KIF16B: variants seen among roughly 807,000 people sequenced by gnomAD.
The protein encoded by KIF16B is kinesin-like protein KIF16B.
In KIF16B, 98 loss-of-function variants were observed where a neutral mutation model predicts 156.3. The ratio of observed to expected loss-of-function variants is 0.63; its 90% CI spans 0.53 to 0.74. KIF16B has a LOEUF of 0.74. Among genes scored for constraint, KIF16B ranks in the 30% least tolerant of loss-of-function variants. KIF16B has a pLI of 0.00. For synonymous variants in KIF16B, 564 were observed against 583.7 expected (o/e 0.97, Z 0.49); for missense variants, 1,421 against 1,606.5 (o/e 0.88, Z 1.97).
chr20:16,296,016 G>C (rs1385031314), intron 25 of KIF16B, among the ~76,000 whole-genome samples: 1 of 152,104 alleles, frequency 6.6e-6, no homozygotes, highest in Non-Finnish European at 1.5e-5. Flanking sequence ...CTTCTCCCAG[G>C]GGCCCAAGAG....
chr20:16,325,136 T>A (rs562829497), intron 24 of KIF16B, among the ~76,000 whole-genome samples: 1 of 152,012 alleles, frequency 6.6e-6, no homozygotes, highest in Non-Finnish European at 1.5e-5. Flanking sequence ...AAAATCGGCA[T>A]AGAAGGGACA....
At chr20:16,465,148 T>C (rs1375162543) in intron 12 of KIF16B, among the ~76,000 whole-genome samples, 4 of 152,184 alleles carry the variant, frequency 2.6e-5, no homozygotes, top group African/African-American at 9.7e-5. Flanking sequence ...TGAAAAAGCA[T>C]TTCCAGATCC....
intron 1 of KIF16B, among the ~76,000 whole-genome samples, chr20:16,531,237 CA>C (rs1372533347): frequency 6.6e-6 from 1 of 151,906 alleles, no homozygotes; most frequent in African/African-American, 2.4e-5. Flanking sequence ...TCTGAAAGAT[CA>C]AAGGATCTGT....
At chr20:16,316,069 C>G (rs982058796) in intron 24 of KIF16B, among the ~76,000 whole-genome samples, 2 of 152,208 alleles carry the variant, frequency 1.3e-5, no homozygotes, top group African/African-American at 4.8e-5. Context: ...AGAATCCTAA[C>G]AGTGCCACTT....
rs2064619810 is a variant in KIF16B at position 16,364,591 on chromosome 20, C to T, written c.3498+5995G>A. On this transcript the variant is annotated intron_variant, in intron 22 of 25. Transcript: ENST00000354981. ...CAGAGGGAGCTACTAGGATTGAAAT[C>T]ACAGTGGATAATGGCACCAACAATA... Among the ~76,000 whole-genome samples, 4 of 152,314 alleles carry T rather than the reference C, an allele frequency of 2.6e-5. No homozygotes were observed. In the South Asian group the frequency reaches 8.3e-4, roughly 32 times the overall value.
intron 12 of KIF16B, among the ~76,000 whole-genome samples, chr20:16,493,008 C>T (rs921013682): frequency 3.9e-5 from 6 of 152,170 alleles, no homozygotes; most frequent in Non-Finnish European, 7.3e-5. Flanking sequence ...CCACATCTGA[C>T]TATTCTGAAA....
chr20:16,306,986 T>C (rs934666659), intron 25 of KIF16B, among the ~76,000 whole-genome samples: 11 of 152,166 alleles, frequency 7.2e-5, no homozygotes, highest in Non-Finnish European at 7.3e-5. Flanking sequence ...ACTAGGATGA[T>C]CTGCTCCAAG....
At chr20:16,279,955 C>A (rs140935170) in intron 25 of KIF16B, among the ~76,000 whole-genome samples, 18 of 152,230 alleles carry the variant, frequency 1.2e-4, no homozygotes, top group African/African-American at 3.9e-4. Flanking sequence ...TAGCATGGCA[C>A]CTCAATTAGT....
At chr20:16,464,274 A>C (rs774408461) in intron 12 of KIF16B, among the ~76,000 whole-genome samples, 1 of 152,170 alleles carries the variant, frequency 6.6e-6, no homozygotes, top group Non-Finnish European at 1.5e-5. Context: ...TTGCAAGGGA[A>C]TATAATAGAA....
chr20:16,315,708 C>G (rs995755983), intron 24 of KIF16B, among the ~76,000 whole-genome samples: 6 of 152,066 alleles, frequency 3.9e-5, no homozygotes, highest in African/African-American at 1.2e-4. Context: ...GAAGTCCATT[C>G]CAGGACATAC....
rs538810087 is a variant in KIF16B, at chr20:16,432,996, T to G, written c.1303-3014A>C. 1.5e-3 allele frequency among the ~76,000 whole-genome samples: 231 copies of G among 152,302 alleles called. 1 individual carries two copies. Among genetic ancestry groups the G allele is most frequent in the Middle Eastern group, 3.4e-3 (1 of 294 alleles). On this transcript the variant is annotated intron_variant, in intron 12 of 25. Coordinates refer to ENST00000354981, the MANE Select transcript of KIF16B (RefSeq NM_024704.5). ...CATTGATTTACTATAGCAAGGAATA[T>G]GCAAATCTCAGCTAAACTGAGCACT...
chr20:16,405,718 G>A (rs959027793), intron 16 of KIF16B, among the ~76,000 whole-genome samples: 2 of 152,066 alleles, frequency 1.3e-5, no homozygotes, highest in Admixed American at 6.5e-5. Flanking sequence ...GGGTATTAAC[G>A]GCTGCTGCAC....
At position 16,379,651 on chromosome 20, in the gene KIF16B, A is replaced by T. The variant is rs1600245404; in HGVS notation, c.2351T>A (p.Val784Glu). 1 of 1,612,304 alleles carries T rather than the reference A, an allele frequency of 6.2e-7. No homozygotes were observed. The highest frequency in any genetic ancestry group is 8.5e-7 in the Non-Finnish European group (1 of 1,179,710). Residue 784 changes from valine (V) to glutamate (E), a missense_variant, in exon 19 of 26, where the codon GTA (valine) becomes GAA (glutamate). Physicochemically the swap from Val to Glu is moderately radical, Grantham distance 121 (BLOSUM62 -2). Coordinates refer to ENST00000354981, the MANE Select transcript of KIF16B (RefSeq NM_024704.5). ...EMIQLLRRGE[V>E]QWVEEEKRDL... The stretch of plus-strand genomic sequence containing the variant: ...CCTCTTCTCCTCTTCCACCCACTGT[A>T]CCTCCCCACGCCGCAGGAGCTGGAT...
chr20:16,505,367 C>T (rs182917764), intron 9 of KIF16B, among the ~76,000 whole-genome samples: 1 of 152,210 alleles, frequency 6.6e-6, no homozygotes, highest in Non-Finnish European at 1.5e-5. Flanking sequence ...TTAAATTCCG[C>T]ATTTACTGCC....
In KIF16B at chr20:16,437,539, G is replaced by A. The variant is rs562319934; in HGVS notation, c.1303-7557C>T. On this transcript the variant is annotated intron_variant, in intron 12 of 25. Coordinates refer to ENST00000354981, the MANE Select transcript of KIF16B (RefSeq NM_024704.5). ...GGAAGTGACACCCCTTGAGAGTCAC[G>A]GGACAGGTATGTGGATTCTATGTGA... 5.3e-5 allele frequency among the ~76,000 whole-genome samples: 8 copies of A among 152,296 alleles called. No individual in the cohort carries two copies. In the East Asian group the frequency reaches 5.8e-4, roughly 11 times the overall value.
chr20:16,356,200 G>A, intron 23 of KIF16B, 130 bp downstream of exon 23: 2 of 1,193,956 alleles, frequency 1.7e-6, no homozygotes, highest in Non-Finnish European at 2.4e-6. Context: ...TTTAAAGAAG[G>A]GCAAGACCAA....
intron 1 of KIF16B, among the ~76,000 whole-genome samples, chr20:16,538,593 G>T (rs7267108): frequency 0.13 from 20,348 of 152,074 alleles, 1,393 homozygotes; most frequent in South Asian, 0.18. Flanking sequence ...AGATCAATAT[G>T]GGGGGAGGAG....
At chr20:16,350,894 G>T (rs1158220163) in intron 23 of KIF16B, among the ~76,000 whole-genome samples, 2 of 150,736 alleles carry the variant, frequency 1.3e-5, no homozygotes, top group African/African-American at 4.9e-5. Flanking sequence ...GTGGGCACTG[G>T]GGGGGGGTCT....
At chr20:16,348,064 A>G (rs894415661) in intron 23 of KIF16B, among the ~76,000 whole-genome samples, 1 of 152,184 alleles carries the variant, frequency 6.6e-6, no homozygotes, top group Admixed American at 6.5e-5. Context: ...TCTACCATCA[A>G]ATTCTTCAGG....
Sources: gnomAD v4.1 joint callset for allele counts (sites outside exome capture counted in the v4.1 genomes callset) on GRCh38, gnomAD v4.1.1 for gene constraint, MANE v1.5 for transcripts, NCBI Gene and HGNC (gene_info 2026-07-23, HGNC 2026-07-21) for gene names.